The following KAT6B variants were observed in gnomAD, a reference collection of about 807,000 sequenced individuals.
KAT6B encodes lysine acetyltransferase 6B.
Under a neutral mutation model 187.5 loss-of-function variants are expected in KAT6B, and 10 were observed. That is an observed-to-expected ratio of 0.05 (90% CI 0.03 to 0.09). The LOEUF is 0.09. KAT6B is among the 10% of genes least tolerant of loss of function. The pLI, the probability that KAT6B is intolerant of heterozygous loss-of-function variation, is 1.00. For synonymous variants in KAT6B, 861 were observed against 926.8 expected (o/e 0.93, Z 1.29); for missense variants, 1,952 against 2,558.9 (o/e 0.76, Z 5.12).
intron 3 of KAT6B, among the ~76,000 whole-genome samples, chr10:74,906,136 A>G (rs1846742832): frequency 6.6e-6 from 1 of 152,184 alleles, no homozygotes; most frequent in Admixed American, 6.5e-5. Context: ...ACAGTATCTC[A>G]CACCTGAAAT....
intron 3 of KAT6B, among the ~76,000 whole-genome samples, chr10:74,953,507 C>T (rs991316327): frequency 8.5e-5 from 13 of 152,064 alleles, no homozygotes; most frequent in Non-Finnish European, 1.8e-4. Flanking sequence ...TAGAGAGCAG[C>T]GTTTAAATCT....
At chr10:75,019,506 TAAA>T (rs948565839) in intron 13 of KAT6B, among the ~76,000 whole-genome samples, 2 of 152,182 alleles carry the variant, frequency 1.3e-5, no homozygotes, top group Non-Finnish European at 2.9e-5. Flanking sequence ...GAAATGTAGA[TAAA>T]GAAGAAAAAT....
intron 3 of KAT6B, among the ~76,000 whole-genome samples, chr10:74,861,193 T>C (rs1415022604): frequency 5.3e-5 from 8 of 151,038 alleles, no homozygotes; most frequent in Admixed American, 1.3e-4. Flanking sequence ...TCCCAACTCC[T>C]CAGGAGGCTG....
chr10:75,008,746 T>G lies in KAT6B; in HGVS notation c.2630-11836T>G, dbSNP rs1844393961. 3.3e-5 allele frequency among the ~76,000 whole-genome samples: 5 copies of G among 152,218 alleles called. No individual in the cohort carries two copies. The South Asian group carries it at 1.0e-3, about 32-fold the overall frequency. On this transcript the variant is annotated intron_variant, in intron 13 of 17. Transcript: ENST00000287239. ...CCGTGAATTTGTTTTAAACATTGTT[T>G]ATTTTACCTAATAATTTATATAAAT...
chr10:74,873,822 A>G (rs746221184), intron 3 of KAT6B, among the ~76,000 whole-genome samples: 6 of 152,124 alleles, frequency 3.9e-5, no homozygotes, highest in Non-Finnish European at 5.9e-5. Context: ...CAGCCACTCT[A>G]TGAGTAGTTA....
intron 6 of KAT6B, 68 bp downstream of exon 6, chr10:74,970,169 C>A: frequency 8.4e-7 from 1 of 1,187,714 alleles, no homozygotes; most frequent in Non-Finnish European, 1.3e-6. Flanking sequence ...TGAGGTCTGA[C>A]AGCTCAGAGG....
intron 3 of KAT6B, among the ~76,000 whole-genome samples, chr10:74,846,564 G>A (rs1002788011): frequency 6.6e-6 from 1 of 151,858 alleles, no homozygotes; most frequent in Non-Finnish European, 1.5e-5. Flanking sequence ...TTAACTTCCC[G>A]AGTAGCTGGG....
intron 3 of KAT6B, among the ~76,000 whole-genome samples, chr10:74,893,131 G>A (rs535750732): frequency 5.6e-4 from 85 of 152,342 alleles, no homozygotes; most frequent in African/African-American, 2.0e-3. Context: ...AAGGGCACCC[G>A]TTGCCTGCAT....
At chr10:74,958,004 C>T (rs1026165470) in intron 3 of KAT6B, among the ~76,000 whole-genome samples, 1 of 152,202 alleles carries the variant, frequency 6.6e-6, no homozygotes, top group Non-Finnish European at 1.5e-5. Context: ...GCATAGCTAC[C>T]TCAGAACGTA....
chr10:74,941,236 A>G (rs565095445), intron 3 of KAT6B, among the ~76,000 whole-genome samples: 54 of 152,212 alleles, frequency 3.5e-4, no homozygotes, highest in Admixed American at 5.9e-4. Flanking sequence ...CAGATCCTCT[A>G]CATCCAAGGA....
In KAT6B at chr10:74,970,092, A is replaced by G; in HGVS notation, c.919A>G (p.Met307Val). Residue 307 changes from methionine (M) to valine (V), a missense_variant, in exon 6 of 18, where the codon ATG becomes GTG. This residue lies in a region of KAT6B where 417 missense variants were observed against 508.9 expected (regional missense o/e 0.82). Coordinates refer to ENST00000287239, the MANE Select transcript of KAT6B (RefSeq NM_012330.4). ...ATGCTGTGACCCACCACTTTCCAGAATGCCAAAAGGTGAACTTCTAAACTG... is the reference window on the plus strand; with the variant it reads ...ATGCTGTGACCCACCACTTTCCAGAGTGCCAAAAGGTGAACTTCTAAACTG... ...MECCDPPLSR[M>V]PKGMWICQVC... is the part of the protein sequence containing the mutation. The G allele has an allele frequency of 6.2e-7, 1 of 1,609,934 alleles. No homozygotes were observed. Among genetic ancestry groups the G allele is most frequent in the Non-Finnish European group, 8.5e-7 (1 of 1,176,248 alleles).
chr10:74,870,215 T>C (rs1369906356), intron 3 of KAT6B, among the ~76,000 whole-genome samples: 3 of 151,936 alleles, frequency 2.0e-5, no homozygotes, highest in Admixed American at 1.3e-4. Context: ...GCCTGGGAGG[T>C]TGAGTCTGTT....
Position 75,021,435 on chromosome 10 carries a change from G to C in KAT6B, c.3021+150G>C, listed in dbSNP as rs1016502364. ...GCACTAATTTATCCTAACTGAGGTTGCATGGTAAGACATGATAATTTTATT... is the reference window on the plus strand; with the variant it reads ...GCACTAATTTATCCTAACTGAGGTTCCATGGTAAGACATGATAATTTTATT... On this transcript the variant is annotated intron_variant, in intron 15 of 17. Transcript: ENST00000287239. 9.7e-6 allele frequency: 7 copies of C among 724,708 alleles called. No individual in the cohort carries two copies. The African/African-American group carries it at 1.1e-4, about 11-fold the overall frequency. The allele number at this position is 724,708 out of a possible 1,614,324, so 44.9% of individuals were successfully genotyped here.
rs562804771 is a variant in KAT6B at position 74,922,441 on chromosome 10, T to C, written c.622-37529T>C. Among the ~76,000 whole-genome samples the C allele has an allele frequency of 3.3e-5, 5 of 152,138 alleles. No homozygotes were observed. In the South Asian group the frequency reaches 6.2e-4, roughly 19 times the overall value. ...GAAAAAAAGAAGAAAGATGGCTAGG[T>C]AGATGGAATAGTGATCAGAAAAAAA... On this transcript the variant is annotated intron_variant, in intron 3 of 17. Transcript: ENST00000287239.
At chr10:74,871,345 G>A (rs147269733) in intron 3 of KAT6B, among the ~76,000 whole-genome samples, 3 of 151,076 alleles carry the variant, frequency 2.0e-5, no homozygotes, top group South Asian at 2.1e-4. Flanking sequence ...GGCACACACC[G>A]TCATACCCGG....
chr10:74,928,896 T>G (rs1848673910), intron 3 of KAT6B, among the ~76,000 whole-genome samples: 1 of 152,180 alleles, frequency 6.6e-6, no homozygotes, highest in Non-Finnish European at 1.5e-5. Flanking sequence ...GCCAAGAACC[T>G]TTGTTTTCTC....
rs1846231587 is a variant in KAT6B at position 75,030,485 on chromosome 10, T to A, written c.5661T>A (p.Pro1887=). 1 of 1,611,924 alleles carries A rather than the reference T, an allele frequency of 6.2e-7. No homozygotes were observed. Among genetic ancestry groups the A allele is most frequent in the African/African-American group, 1.3e-5 (1 of 74,830 alleles). The change falls in exon 18 of 18, where the codon CCT becomes CCA. Residue 1887 remains proline (P), a synonymous_variant. Coordinates refer to ENST00000287239, the MANE Select transcript of KAT6B (RefSeq NM_012330.4). This position sits in a 1 kb window ranked among gnomAD's most constrained non-coding sequence, Gnocchi z 4.8. ...TMTPPPNLTP[P]PMNLPPPLLQ... ...CCCCACCCCCCAACCTGACTCCTCC[T>A]CCAATGAATCTGCCGCCGCCTCTTT... is the stretch of plus-strand genomic sequence containing the variant.
chr10:74,997,003 A>G (rs1459447086), intron 13 of KAT6B, among the ~76,000 whole-genome samples: 1 of 152,184 alleles, frequency 6.6e-6, no homozygotes, highest in Non-Finnish European at 1.5e-5. Context: ...TAATATCTAT[A>G]GTGTTTAAAT....
At chr10:74,944,864 C>T (rs993680584) in intron 3 of KAT6B, among the ~76,000 whole-genome samples, 39 of 145,742 alleles carry the variant, frequency 2.7e-4, no homozygotes, top group African/African-American at 9.5e-4. Flanking sequence ...CAATGAGACA[C>T]TTCCATACAC....
Sources: gnomAD v4.1 joint callset for allele counts (sites outside exome capture counted in the v4.1 genomes callset) on GRCh38, gnomAD v4.1.1 for gene constraint, gnomAD v4.1.1 regional missense constraint, Gnocchi (gnomAD v3.1) non-coding constraint, MANE v1.5 for transcripts, NCBI Gene and HGNC (gene_info 2026-07-23, HGNC 2026-07-21) for gene names.